The following SP140L variants were observed in gnomAD, a reference collection of about 807,000 sequenced individuals.
SP140L encodes the protein nuclear body protein SP140-like protein.
A neutral mutation model predicts 84.3 loss-of-function variants in SP140L; 64 were observed. The ratio of observed to expected loss-of-function variants is 0.76; its 90% CI spans 0.62 to 0.94. The LOEUF (loss-of-function observed/expected upper bound fraction) is 0.94. Ranked by LOEUF, SP140L falls within the 40% of genes least tolerant of loss-of-function variation. The pLI is 0.00. For synonymous variants in SP140L, 242 were observed against 236.9 expected (o/e 1.02, Z -0.20); for missense variants, 628 against 692.5 (o/e 0.91, Z 1.05).
Position 230,392,015 on chromosome 2 carries a change from A to T in SP140L, c.965-72A>T, listed in dbSNP as rs889398661. 14 of 1,595,796 alleles carry T rather than the reference A, an allele frequency of 8.8e-6. No homozygotes were observed. The Middle Eastern group carries it at 1.2e-3, about 133-fold the overall frequency. On this transcript the variant is annotated intron_variant, in intron 11 of 18. Transcript: ENST00000415673. ...CACAAATTGGGTGGCTCTAGATCCAATGTGGTGAGTGGCCACAGTCTGAGC... is the reference window on the plus strand; with the variant it reads ...CACAAATTGGGTGGCTCTAGATCCATTGTGGTGAGTGGCCACAGTCTGAGC...
intron 11 of SP140L, 46 bp from the exon 12 acceptor site, chr2:230,392,041 G>T (rs111334312): frequency 6.2e-7 from 1 of 1,610,476 alleles, no homozygotes; most frequent in Non-Finnish European, 8.5e-7. Flanking sequence ...CAGTCTGAGC[G>T]CTGGGAACAA....
In SP140L at chr2:230,346,829, G is replaced by A. The variant is rs539790334; in HGVS notation, c.108-10976G>A. ...CATCTGTGTTCTCTTGTAGTTCACC[G>A]AACTTTTTAAAGAGAATTATTCTGA... On this transcript the variant is annotated intron_variant, in intron 2 of 18. Transcript: ENST00000415673. 4.4e-4 allele frequency among the ~76,000 whole-genome samples: 67 copies of A among 152,242 alleles called. 1 individual carries two copies. Among genetic ancestry groups the A allele is most frequent in the African/African-American group, 1.5e-3 (64 of 41,556 alleles).
At chr2:230,376,431 C>T (rs2061242729) in intron 7 of SP140L, among the ~76,000 whole-genome samples, 2 of 152,126 alleles carry the variant, frequency 1.3e-5, no homozygotes, top group African/African-American at 4.8e-5. Context: ...TGTGTTTCTA[C>T]ACACTAACAA....
rs961424306 is a variant in SP140L at position 230,343,326 on chromosome 2, A to G, written c.108-14479A>G. 3.4e-5 allele frequency among the ~76,000 whole-genome samples: 5 copies of G among 147,676 alleles called. 1 individual carries two copies. The highest frequency in any genetic ancestry group is 1.3e-4 in the African/African-American group (5 of 39,988). ...TCCGCTCCCACTTATAAGTTAGAAC[A>G]TGTGGTGTTTGGTTTTCTGTTCCTG... is the stretch of plus-strand genomic sequence containing the variant. On this transcript the variant is annotated intron_variant, in intron 2 of 18. Transcript: ENST00000415673.
chr2:230,366,710 C>CATTATTATTATTAT (rs1553620448), intron 5 of SP140L, among the ~76,000 whole-genome samples: 35 of 144,582 alleles, frequency 2.4e-4, no homozygotes, highest in African/African-American at 6.8e-4. Flanking sequence ...GGATTATTAT[C>CATTATTATTATTAT]TATTATTATT....
At chr2:230,366,508 C>A (rs2060874562) in intron 5 of SP140L, among the ~76,000 whole-genome samples, 1 of 151,374 alleles carries the variant, frequency 6.6e-6, no homozygotes, top group African/African-American at 2.4e-5. Context: ...CTATATGTAT[C>A]CTTAAAAGTG....
In SP140L at chr2:230,403,688, C is replaced by T. The variant is rs2062449212; in HGVS notation, c.*792C>T. 6.6e-6 allele frequency: 1 copy of T among 152,202 alleles called. No individual in the cohort carries two copies. The allele number at this position is 152,202 out of a possible 1,614,324, so 9.4% of individuals were successfully genotyped here. ...TCTTGGAGTCTCATATTTCGTGGAA[C>T]TCCTGTGCAAACATATATTATTAAA... On this transcript the variant is annotated 3_prime_UTR_variant, in exon 19 of 19. Coordinates refer to ENST00000415673, the MANE Select transcript of SP140L (RefSeq NM_138402.6).
intron 2 of SP140L, among the ~76,000 whole-genome samples, chr2:230,343,660 C>CTTTTATT (rs2060128415): frequency 8.5e-6 from 1 of 117,870 alleles, no homozygotes; most frequent in Admixed American, 8.5e-5. Flanking sequence ...AATTGCCACA[C>CTTTTATT]TGTCTTCCAC....
At position 230,358,991 on chromosome 2, in the gene SP140L, G is replaced by A. The variant is rs1281678996; in HGVS notation, c.298G>A (p.Val100Ile). 6.3e-7 allele frequency: 1 copy of A among 1,599,038 alleles called. No homozygotes were observed. ...TTCTGAAGATTCTTGTAGAAACCTGGTCCCTGTACAAAGAGTGGTGTACAA... is the reference window on the plus strand; with the variant it reads ...TTCTGAAGATTCTTGTAGAAACCTGATCCCTGTACAAAGAGTGGTGTACAA... ...EDSEDSCRNLVPVQRVVYNVL... is the reference protein window; with the variant it reads ...EDSEDSCRNLIPVQRVVYNVL... Residue 100 changes from valine (V) to isoleucine (I), a missense_variant, in exon 4 of 19, where the codon GTC (valine) becomes ATC (isoleucine). By Grantham distance (29) the Val-to-Ile change is conservative. Coordinates refer to ENST00000415673, the MANE Select transcript of SP140L (RefSeq NM_138402.6).
At chr2:230,378,695 T>C (rs2061322276) in intron 7 of SP140L, among the ~76,000 whole-genome samples, 1 of 152,260 alleles carries the variant, frequency 6.6e-6, no homozygotes, top group African/African-American at 2.4e-5. Context: ...TAAATGTTCC[T>C]TTGCATCCTA....
intron 2 of SP140L, among the ~76,000 whole-genome samples, chr2:230,348,455 AT>A (rs1243990816): frequency 6.6e-6 from 1 of 152,010 alleles, no homozygotes; most frequent in Non-Finnish European, 1.5e-5. Flanking sequence ...TGTGGTTTGA[AT>A]TTGCTTTTCT....
In SP140L at chr2:230,400,555, A is replaced by G. The variant is rs76130153; in HGVS notation, c.1313+313A>G. ...TGTCCCAGGGGGTTGAGGAAAAAAAACACCAGTTGTTTATATTTTGTGCTT... is the reference window on the plus strand; with the variant it reads ...TGTCCCAGGGGGTTGAGGAAAAAAAGCACCAGTTGTTTATATTTTGTGCTT... On this transcript the variant is annotated intron_variant, in intron 15 of 18. Coordinates refer to ENST00000415673, the MANE Select transcript of SP140L (RefSeq NM_138402.6). 9.3e-3 allele frequency: 4,388 copies of G among 470,522 alleles called. 106 individuals carry two copies. The highest frequency in any genetic ancestry group is 0.044 in the African/African-American group (2,254 of 51,284). 29.1% of individuals were successfully genotyped at this position (470,522 alleles called of 1,614,324 possible).
intron 2 of SP140L, among the ~76,000 whole-genome samples, chr2:230,332,779 A>T (rs2059762143): frequency 6.6e-6 from 1 of 152,156 alleles, no homozygotes; most frequent in African/African-American, 2.4e-5. Flanking sequence ...TGTGTAACTT[A>T]TCAATTCCGT....
intron 7 of SP140L, among the ~76,000 whole-genome samples, chr2:230,381,897 C>A (rs532875781): frequency 6.6e-6 from 1 of 152,204 alleles, no homozygotes; most frequent in Non-Finnish European, 1.5e-5. Flanking sequence ...CCAGAGCACA[C>A]AAGGTGTTCG....
intron 10 of SP140L, 123 bp from the exon 11 acceptor site, chr2:230,389,796 C>T: frequency 2.1e-6 from 2 of 949,600 alleles, no homozygotes; most frequent in Non-Finnish European, 3.2e-6. Flanking sequence ...GACTTTGAAA[C>T]TCTAGAGATT....
At chr2:230,330,902 G>A (rs1018787098) in intron 2 of SP140L, among the ~76,000 whole-genome samples, 9 of 152,124 alleles carry the variant, frequency 5.9e-5, no homozygotes, top group Admixed American at 2.6e-4. Flanking sequence ...CCCAGGATGC[G>A]AACTGTCCCT....
intron 7 of SP140L, among the ~76,000 whole-genome samples, chr2:230,376,540 C>T (rs2061245314): frequency 6.6e-6 from 1 of 152,120 alleles, no homozygotes. Flanking sequence ...AATATTTGCA[C>T]ACTGACAACT....
intron 2 of SP140L, among the ~76,000 whole-genome samples, chr2:230,352,049 G>A (rs2060380985): frequency 6.6e-6 from 1 of 151,952 alleles, no homozygotes; most frequent in African/African-American, 2.4e-5. Context: ...TTCTAATTGG[G>A]AGCATTTTAT....
intron 2 of SP140L, among the ~76,000 whole-genome samples, chr2:230,337,707 A>C (rs1057508656): frequency 6.6e-6 from 1 of 152,092 alleles, no homozygotes; most frequent in Non-Finnish European, 1.5e-5. Flanking sequence ...TCAGCTTTCT[A>C]CATATGGCTA....
Sources: gnomAD v4.1 joint callset for allele counts (sites outside exome capture counted in the v4.1 genomes callset) on GRCh38, gnomAD v4.1.1 for gene constraint, MANE v1.5 for transcripts, NCBI Gene and HGNC (gene_info 2026-07-23, HGNC 2026-07-21) for gene names.